The following NALF2 variants were observed in gnomAD, a reference collection of about 807,000 sequenced individuals.
NALF2 encodes NALCN channel auxiliary factor 2, also known as bB57D9.1 (TED protein).
A neutral mutation model predicts 24.8 loss-of-function variants in NALF2; 1 was observed. The ratio of observed to expected loss-of-function variants is 0.04; its 90% CI spans 0.01 to 0.19. The LOEUF (loss-of-function observed/expected upper bound fraction) is 0.19. Among genes scored for constraint, NALF2 ranks in the 10% least tolerant of loss-of-function variants. The probability of loss-of-function intolerance (pLI) is 1.00; values close to 1 mark genes in which losing one functional copy is unlikely to be tolerated. For synonymous variants in NALF2, 254 were observed against 189.8 expected, an observed-to-expected ratio of 1.34 and a Z score of -2.78; for missense variants, 458 against 409.6, an observed-to-expected ratio of 1.12 and a Z score of -1.02.
chrX:69,530,062 G>A lies in NALF2; in HGVS notation c.*106G>A. ...ATGGGAGGTGTAGGATAAGGTGGGG[G>A]CGGGGGAAATGGGGGAATGACACAT... is the stretch of plus-strand genomic sequence containing the variant. On this transcript the variant is annotated 3_prime_UTR_variant, in exon 3 of 3. Coordinates refer to ENST00000252338, the MANE Select transcript of NALF2 (RefSeq NM_015686.3). The A allele has an allele frequency of 5.2e-6, 3 of 578,126 alleles. No homozygotes were observed. Among genetic ancestry groups the A allele is most frequent in the Non-Finnish European group, 7.8e-6 (3 of 384,546 alleles). 47.6% of individuals were successfully genotyped at this position (578,126 alleles called of 1,213,427 possible).
chrX:69,529,236 G>A, intron 2 of NALF2, 72 bp downstream of exon 2: 1 of 1,065,984 alleles, frequency 9.4e-7, no homozygotes, highest in Non-Finnish European at 1.3e-6. Flanking sequence ...GAGGAGTTGG[G>A]AGCAGGGATA....
intron 1 of NALF2, among the ~76,000 whole-genome samples, chrX:69,514,181 C>T (rs1410021828): frequency 4.4e-5 from 3 of 68,253 alleles, no homozygotes; most frequent in Admixed American, 2.9e-4. Flanking sequence ...CAGAGTAAGA[C>T]TCTGTCTCAA....
chrX:69,513,138 G>C, intron 1 of NALF2, among the ~76,000 whole-genome samples: 1 of 111,784 alleles, frequency 8.9e-6, no homozygotes, highest in Non-Finnish European at 1.9e-5. Context: ...CAATCTGCTG[G>C]AGGGATCAAG....
In NALF2 at chrX:69,506,087, C is replaced by T. The variant is rs138484665; in HGVS notation, c.805C>T (p.His269Tyr). The change falls in exon 1 of 3, where the codon CAT (histidine) becomes TAT (tyrosine). Residue 269 changes from histidine (H) to tyrosine (Y), a missense_variant. Physicochemically the swap from His to Tyr is moderately conservative, Grantham distance 83. Coordinates refer to ENST00000252338, the MANE Select transcript of NALF2 (RefSeq NM_015686.3). ...ATATGACGAGTTCGACCTCGTGCTG[C>T]ATAAATACTTACAGGCGGAAGAGTA... ...EKYDEFDLVL[H>Y]KYLQAEEYSI... 3.6e-5 allele frequency: 44 copies of T among 1,208,244 alleles called. No individual in the cohort carries two copies. Among genetic ancestry groups the T allele is most frequent in the Non-Finnish European group, 4.8e-5 (43 of 894,054 alleles).
At chrX:69,514,849 T>TA (rs1489091847) in intron 1 of NALF2, among the ~76,000 whole-genome samples, 12 of 112,118 alleles carry the variant, frequency 1.1e-4, no homozygotes, top group Non-Finnish European at 1.9e-4. Context: ...GTTGAAATCA[T>TA]ACTGTTTTTT....
At chrX:69,510,600 C>T (rs1198071327) in intron 1 of NALF2, among the ~76,000 whole-genome samples, 3 of 111,961 alleles carry the variant, frequency 2.7e-5, no homozygotes, top group African/African-American at 9.7e-5. Flanking sequence ...CTCTTAGAGC[C>T]AGAGAGGTAC....
In NALF2 at chrX:69,505,742, C is replaced by G. The variant is rs1410346118; in HGVS notation, c.460C>G (p.Gln154Glu). 1 of 1,211,714 alleles carries G rather than the reference C, an allele frequency of 8.3e-7. No individual in the cohort carries two copies. The highest frequency in any genetic ancestry group is 2.2e-5 in the Admixed American group (1 of 46,160). Residue 154 changes from glutamine to glutamate, a missense_variant, in exon 1 of 3, where the codon CAG becomes GAG. Transcript: ENST00000252338. ...AGCTTGCACCAAATTGCAATCTTTGCAGAGACTTTTCGAACCGACTACTCC... is the reference window on the plus strand; with the variant it reads ...AGCTTGCACCAAATTGCAATCTTTGGAGAGACTTTTCGAACCGACTACTCC... ...DAACTKLQSL[Q>E]RLFEPTTPAP...
chrX:69,524,718 C>T (rs1930781776), intron 1 of NALF2, among the ~76,000 whole-genome samples: 1 of 111,433 alleles, frequency 9.0e-6, no homozygotes, highest in African/African-American at 3.3e-5. Flanking sequence ...AACAGGGCTG[C>T]AGAGTCTAAG....
chrX:69,507,094 A>G (rs1602190613), intron 1 of NALF2, among the ~76,000 whole-genome samples: 1 of 111,854 alleles, frequency 8.9e-6, no homozygotes, highest in East Asian at 2.8e-4. Flanking sequence ...CTTTGGGAGG[A>G]AAGAGAACAG....
Position 69,505,413 on chromosome X carries a change from G to T in NALF2, c.131G>T (p.Arg44Leu). 8.6e-7 allele frequency: 1 copy of T among 1,156,792 alleles called. No homozygotes were observed. The highest frequency in any genetic ancestry group is 1.9e-5 in the South Asian group (1 of 51,624). Reference sequence around the variant, plus strand: ...GACTCCGAGCGGGCGCAGCGATGGCGACTGTCCCTGGCGTCCCTGCTCTTC... The same window carrying T: ...GACTCCGAGCGGGCGCAGCGATGGCTACTGTCCCTGGCGTCCCTGCTCTTC... ...CADSERAQRW[R>L]LSLASLLFFT... is the part of the protein sequence containing the mutation. Residue 44 changes from arginine to leucine, a missense_variant, in exon 1 of 3, where the codon CGA becomes CTA. Physicochemically the swap from Arg to Leu is moderately radical, Grantham distance 102 (BLOSUM62 -2). Coordinates refer to ENST00000252338, the MANE Select transcript of NALF2 (RefSeq NM_015686.3).
chrX:69,508,242 G>A (rs180932301), intron 1 of NALF2, among the ~76,000 whole-genome samples: 1 of 111,455 alleles, frequency 9.0e-6, no homozygotes, highest in African/African-American at 3.3e-5. Flanking sequence ...CGCCCCTCTC[G>A]TGTGTGTTAT....
intron 1 of NALF2, among the ~76,000 whole-genome samples, chrX:69,515,492 A>G (rs1314814914): frequency 4.4e-5 from 5 of 112,646 alleles, no homozygotes; most frequent in African/African-American, 1.6e-4. Context: ...TACCCTCACC[A>G]AAAGTGTGAG....
At position 69,504,873 on chromosome X, in the gene NALF2, C is replaced by G. The variant is rs1291625728; in HGVS notation, c.-410C>G. Among the ~76,000 whole-genome samples the G allele has an allele frequency of 9.3e-6, 1 of 107,494 alleles. No individual in the cohort carries two copies. The highest frequency in any genetic ancestry group is 2.0e-5 in the Non-Finnish European group (1 of 51,230). 93.3% of individuals were successfully genotyped at this position (107,494 alleles called of 115,157 possible). On this transcript the variant is annotated 5_prime_UTR_variant, in exon 1 of 3. Coordinates refer to ENST00000252338, the MANE Select transcript of NALF2 (RefSeq NM_015686.3). ...CAGAGCTGCGCCGAACCGAGACGGC[C>G]GGTTTGGAGTGCGAGCCGGGCGGCC...
chrX:69,507,397 T>C (rs932269333), intron 1 of NALF2, among the ~76,000 whole-genome samples: 1 of 111,348 alleles, frequency 9.0e-6, no homozygotes, highest in Non-Finnish European at 1.9e-5. Flanking sequence ...TTTTTCCTGC[T>C]CTCGTAACCT....
chrX:69,508,342 A>G (rs1199001498), intron 1 of NALF2, among the ~76,000 whole-genome samples: 1 of 111,404 alleles, frequency 9.0e-6, no homozygotes, highest in East Asian at 2.8e-4. Flanking sequence ...GGTTTGCCCT[A>G]AGGTCACTCA....
intron 1 of NALF2, among the ~76,000 whole-genome samples, chrX:69,511,465 G>A (rs1007654371): frequency 1.8e-5 from 2 of 110,695 alleles, no homozygotes; most frequent in African/African-American, 3.3e-5. Flanking sequence ...CCCTTCTCTC[G>A]TTACCATTCA....
At chrX:69,528,611 A>G (rs1184316445) in intron 1 of NALF2, among the ~76,000 whole-genome samples, 3 of 112,310 alleles carry the variant, frequency 2.7e-5, no homozygotes, top group Non-Finnish European at 5.6e-5. Context: ...CAGAACTGAC[A>G]TTTGCCTCAT....
Position 69,530,175 on chromosome X carries a change from A to G in NALF2, c.*219A>G. 2.7e-6 allele frequency: 1 copy of G among 371,381 alleles called. No individual in the cohort carries two copies. Among genetic ancestry groups the G allele is most frequent in the Non-Finnish European group, 4.6e-6 (1 of 215,897 alleles). The allele number at this position is 371,381 out of a possible 1,213,427, so 30.6% of individuals were successfully genotyped here. A position where few individuals can be genotyped will look rare whatever the true frequency, so the allele number is the denominator to read the frequency against. On this transcript the variant is annotated 3_prime_UTR_variant, in exon 3 of 3. Transcript: ENST00000252338. Reference sequence around the variant, plus strand: ...GCTGCAAAACTCATCCAGGAGAAAAAGGCAGGAGCAGCAAGTGACCCCTCC... The same window carrying G: ...GCTGCAAAACTCATCCAGGAGAAAAGGGCAGGAGCAGCAAGTGACCCCTCC...
rs747292682 is a variant in NALF2, at chrX:69,532,411, G to A, written c.*2455G>A. The A allele has an allele frequency of 3.6e-5, 4 of 112,196 alleles. No homozygotes were observed. Among genetic ancestry groups the A allele is most frequent in the African/African-American group, 1.3e-4 (4 of 30,794 alleles). The allele number at this position is 112,196 out of a possible 1,213,427, so 9.2% of individuals were successfully genotyped here. Reference sequence around the variant, plus strand: ...CCTCTGTGTTTCGGTGAGAGTCTCTGTATATGTACTGCTTTCTGTTTTGTT... The same window carrying A: ...CCTCTGTGTTTCGGTGAGAGTCTCTATATATGTACTGCTTTCTGTTTTGTT... On this transcript the variant is annotated 3_prime_UTR_variant, in exon 3 of 3. Coordinates refer to ENST00000252338, the MANE Select transcript of NALF2 (RefSeq NM_015686.3).
Sources: gnomAD v4.1 joint callset for allele counts (sites outside exome capture counted in the v4.1 genomes callset) on GRCh38, gnomAD v4.1.1 for gene constraint, MANE v1.5 for transcripts, NCBI Gene and HGNC (gene_info 2026-07-23, HGNC 2026-07-21) for gene names.